SH3RF3: variants seen among roughly 807,000 people sequenced by gnomAD.
The protein encoded by SH3RF3 is SH3 domain containing ring finger 3.
Under a neutral mutation model 66.3 loss-of-function variants are expected in SH3RF3, and 29 were observed. The ratio of observed to expected loss-of-function variants is 0.44; its 90% CI spans 0.33 to 0.60. SH3RF3 has a LOEUF of 0.60. Ranked by LOEUF, SH3RF3 falls within the 20% of genes least tolerant of loss-of-function variation. The pLI, the probability that SH3RF3 is intolerant of heterozygous loss-of-function variation, is 0.04. For missense variants in SH3RF3, 1,194 were observed against 1,190.9 expected (o/e 1.00, Z -0.04); for synonymous variants, 583 against 532.0 (o/e 1.10, Z -1.32).
chr2:109,322,671 C>T (rs1682053619), intron 1 of SH3RF3, among the ~76,000 whole-genome samples: 1 of 152,214 alleles, frequency 6.6e-6, no homozygotes, highest in African/African-American at 2.4e-5. Context: ...AAAAAGGACT[C>T]ATTAGCTGAG....
intron 4 of SH3RF3, among the ~76,000 whole-genome samples, chr2:109,414,799 C>T (rs917358094): frequency 2.0e-5 from 3 of 152,306 alleles, no homozygotes; most frequent in South Asian, 2.1e-4. Flanking sequence ...TCCATCTGGC[C>T]AAGGCTAGAA....
chr2:109,234,887 A>G (rs1220347463), intron 1 of SH3RF3, among the ~76,000 whole-genome samples: 1 of 152,266 alleles, frequency 6.6e-6, no homozygotes, highest in East Asian at 1.9e-4. Context: ...TAAAGGATTC[A>G]GGGCAAACTA....
At chr2:109,144,451 G>T (rs762039886) in intron 1 of SH3RF3, among the ~76,000 whole-genome samples, 7 of 152,222 alleles carry the variant, frequency 4.6e-5, no homozygotes, top group Non-Finnish European at 8.8e-5. Flanking sequence ...TGTTCTTTCA[G>T]CCCTGGTTTC....
intron 4 of SH3RF3, among the ~76,000 whole-genome samples, chr2:109,410,160 G>A (rs888152577): frequency 2.6e-4 from 40 of 152,224 alleles, no homozygotes; most frequent in Non-Finnish European, 4.4e-5. Flanking sequence ...TGGCGGTTTA[G>A]AATCGGGGAA....
intron 1 of SH3RF3, among the ~76,000 whole-genome samples, chr2:109,312,172 A>G (rs1574566111): frequency 6.6e-6 from 1 of 152,220 alleles, no homozygotes; most frequent in East Asian, 1.9e-4. Flanking sequence ...CAAATCTTAC[A>G]AAGTCTAATG....
At chr2:109,408,671 A>C (rs955668806) in intron 4 of SH3RF3, among the ~76,000 whole-genome samples, 2 of 152,254 alleles carry the variant, frequency 1.3e-5, no homozygotes, top group Admixed American at 1.3e-4. Context: ...AAGGATGGAT[A>C]GACGGACACA....
intron 1 of SH3RF3, among the ~76,000 whole-genome samples, chr2:109,202,099 G>T (rs992133852): frequency 6.6e-6 from 1 of 152,222 alleles, no homozygotes; most frequent in Non-Finnish European, 1.5e-5. Context: ...TCCCCTCGAG[G>T]CGATCTCGGC....
intron 9 of SH3RF3, among the ~76,000 whole-genome samples, chr2:109,498,311 C>T (rs1679304932): frequency 6.6e-6 from 1 of 152,186 alleles, no homozygotes; most frequent in South Asian, 2.1e-4. Flanking sequence ...TCTGCTTCCC[C>T]AGGAGTAGGA....
At chr2:109,471,875 G>C (rs1386361998) in intron 8 of SH3RF3, among the ~76,000 whole-genome samples, 1 of 152,308 alleles carries the variant, frequency 6.6e-6, no homozygotes, top group East Asian at 1.9e-4. Flanking sequence ...TGCAGACACA[G>C]GGAGAGCAGA....
chr2:109,432,625 G>C lies in SH3RF3; in HGVS notation c.1528G>C (p.Gly510Arg). ...GTTCAAGGGGGCGTCTCTGAGGACC[G>C]GGGTCTCTGGGGTGTTCCCCGGAAA... ...GWFKGASLRTGVSGVFPGNYV... is the reference protein window; with the variant it reads ...GWFKGASLRTRVSGVFPGNYV... Residue 510 changes from glycine to arginine, a missense_variant, in exon 6 of 10, where the codon GGG (glycine) becomes CGG (arginine). Gly to Arg is a moderately radical substitution (Grantham distance 125). Coordinates refer to ENST00000309415, the MANE Select transcript of SH3RF3 (RefSeq NM_001099289.3). 1.2e-6 allele frequency: 2 copies of C among 1,612,708 alleles called. No individual in the cohort carries two copies. Among genetic ancestry groups the C allele is most frequent in the Non-Finnish European group, 1.7e-6 (2 of 1,179,410 alleles).
At chr2:109,227,162 T>A (rs79009681) in intron 1 of SH3RF3, among the ~76,000 whole-genome samples, 3 of 152,212 alleles carry the variant, frequency 2.0e-5, no homozygotes, top group African/African-American at 7.2e-5. Flanking sequence ...GCAGTGGCAG[T>A]GGTTGGCTCA....
rs548297567 is a variant in SH3RF3, at chr2:109,239,496, T to C, written c.574-108178T>C. ...TTTTTAGAACAAACGGACTACAATA[T>C]TCTGAAGTGATTTTGAATTTGGCCC... On this transcript the variant is annotated intron_variant, in intron 1 of 9. Coordinates refer to ENST00000309415, the MANE Select transcript of SH3RF3 (RefSeq NM_001099289.3). Among the ~76,000 whole-genome samples, 85 of 152,328 alleles carry C rather than the reference T, an allele frequency of 5.6e-4. No homozygotes were observed. In the Middle Eastern group the frequency reaches 0.014, roughly 24 times the overall value.
At chr2:109,426,470 G>T (rs992732138) in intron 5 of SH3RF3, among the ~76,000 whole-genome samples, 1 of 152,166 alleles carries the variant, frequency 6.6e-6, no homozygotes, top group African/African-American at 2.4e-5. Context: ...AACAGCAAGA[G>T]AACTAGAATT....
At chr2:109,257,181 G>A (rs777209342) in intron 1 of SH3RF3, among the ~76,000 whole-genome samples, 46 of 152,238 alleles carry the variant, frequency 3.0e-4, no homozygotes, top group Non-Finnish European at 6.0e-4. Flanking sequence ...ACTGGGGCAG[G>A]AGCTTCTCTT....
rs934127926 is a variant in SH3RF3 at position 109,435,897 on chromosome 2, A to C, written c.1575-996A>C. Among the ~76,000 whole-genome samples, 3 of 152,292 alleles carry C rather than the reference A, an allele frequency of 2.0e-5. No individual in the cohort carries two copies. In the South Asian group the frequency reaches 6.2e-4, roughly 32 times the overall value. On this transcript the variant is annotated intron_variant, in intron 6 of 9. Transcript: ENST00000309415. ...CTGGGTGAAGTTCAGCACAGCTCTG[A>C]GGGCTGGGGAAGGAGGACACCACCC... is the stretch of plus-strand genomic sequence containing the variant.
chr2:109,291,638 T>C (rs1681185874), intron 1 of SH3RF3, among the ~76,000 whole-genome samples: 6 of 152,190 alleles, frequency 3.9e-5, no homozygotes, highest in Admixed American at 3.9e-4. Flanking sequence ...TGGAGGAATT[T>C]TGGAAGACTG....
intron 1 of SH3RF3, among the ~76,000 whole-genome samples, chr2:109,245,010 T>C (rs1679878795): frequency 6.6e-6 from 1 of 152,168 alleles, no homozygotes; most frequent in African/African-American, 2.4e-5. Flanking sequence ...GCTGTCTTTG[T>C]TGTTGGATGG....
chr2:109,373,381 A>G (rs1683316379), intron 3 of SH3RF3, among the ~76,000 whole-genome samples: 1 of 152,230 alleles, frequency 6.6e-6, no homozygotes, highest in Non-Finnish European at 1.5e-5. Flanking sequence ...GTTCATTACA[A>G]TGGCCCTAAA....
At chr2:109,290,577 T>C (rs1035825368) in intron 1 of SH3RF3, among the ~76,000 whole-genome samples, 7 of 152,246 alleles carry the variant, frequency 4.6e-5, no homozygotes, top group African/African-American at 1.7e-4. Context: ...CCAATGCCTA[T>C]CATTTTCTAG....
Sources: allele counts gnomAD v4.1 joint callset (sites outside exome capture counted in the v4.1 genomes callset), GRCh38; gene constraint gnomAD v4.1.1; transcripts MANE v1.5; gene names NCBI Gene and HGNC (gene_info 2026-07-23, HGNC 2026-07-21).